CPHXL2: variants seen among roughly 807,000 people sequenced by gnomAD.
The protein encoded by CPHXL2 is cytoplasmic polyadenylated homeobox like 2, also known as cytoplasmic polyadenylated homeobox-like protein 2.
chr16:75,662,772 A>G, the CPHXL2 span, among the ~76,000 whole-genome samples: 1 of 149,028 alleles, frequency 6.7e-6, no homozygotes, highest in East Asian at 2.0e-4. Context: ...CCAAGAAGCT[A>G]TGGTTTGAAT....
At chr16:75,666,379 A>G in the CPHXL2 span, among the ~76,000 whole-genome samples, 64,391 of 151,930 alleles carry the variant, frequency 0.42, 17,321 homozygotes, top group East Asian at 0.85. Flanking sequence ...CCAGCACTTT[A>G]GAGGCTGAGG....
chr16:75,660,249 G>C, the CPHXL2 span: 1 of 398,354 alleles, frequency 2.5e-6, no homozygotes, highest in East Asian at 3.6e-5. Context: ...ATGGTTCTGT[G>C]ATACTTAGCA....
chr16:75,661,353 A>G, the CPHXL2 span: 2 of 397,696 alleles, frequency 5.0e-6, no homozygotes, highest in East Asian at 3.6e-5. Context: ...GCCTTTTAAA[A>G]GCAGAGTCCC....
the CPHXL2 span, among the ~76,000 whole-genome samples, chr16:75,670,041 A>C: frequency 6.6e-6 from 1 of 152,018 alleles, no homozygotes; most frequent in African/African-American, 2.4e-5. Flanking sequence ...CAGCCTCCCA[A>C]GTAGCTGGGA....
At chr16:75,671,908 G>C in the CPHXL2 span, among the ~76,000 whole-genome samples, 1 of 152,154 alleles carries the variant, frequency 6.6e-6, no homozygotes, top group Non-Finnish European at 1.5e-5. Flanking sequence ...GATGGCTTTT[G>C]CATGCTAATA....
the CPHXL2 span, chr16:75,676,878 C>A: frequency 5.0e-6 from 2 of 398,244 alleles, no homozygotes; most frequent in Non-Finnish European, 8.9e-6. Flanking sequence ...TGACTGCCCA[C>A]AATCTTCACT....
chr16:75,672,347 A>C, the CPHXL2 span, among the ~76,000 whole-genome samples: 1 of 152,134 alleles, frequency 6.6e-6, no homozygotes, highest in Admixed American at 6.6e-5. Flanking sequence ...CACGTATTGT[A>C]GGACAGAGCA....
At chr16:75,665,029 G>A in the CPHXL2 span, among the ~76,000 whole-genome samples, 1 of 152,188 alleles carries the variant, frequency 6.6e-6, no homozygotes, top group Non-Finnish European at 1.5e-5. Flanking sequence ...GGCACTAGGA[G>A]AGTCAAGAAT....
the CPHXL2 span, chr16:75,676,941 T>C: frequency 5.0e-6 from 2 of 398,400 alleles, no homozygotes. Context: ...ATGGAAACAG[T>C]CTTCTCACAA....
chr16:75,674,181 A>G, the CPHXL2 span, among the ~76,000 whole-genome samples: 147 of 151,438 alleles, frequency 9.7e-4, 2 homozygotes, highest in East Asian at 4.1e-3. Context: ...AGACCATCCT[A>G]GCTAACACAG....
At chr16:75,672,343 T>C in the CPHXL2 span, among the ~76,000 whole-genome samples, 1 of 152,046 alleles carries the variant, frequency 6.6e-6, no homozygotes, top group African/African-American at 2.4e-5. Flanking sequence ...TTCGCACGTA[T>C]TGTAGGACAG....
At chr16:75,669,235 G>T in the CPHXL2 span, 1 of 392,926 alleles carries the variant, frequency 2.5e-6, no homozygotes, top group East Asian at 3.6e-5. Context: ...GGAGTCACCT[G>T]AGCCCAGGAA....
the CPHXL2 span, among the ~76,000 whole-genome samples, chr16:75,676,286 A>G: frequency 6.6e-6 from 1 of 152,014 alleles, no homozygotes; most frequent in South Asian, 2.1e-4. Flanking sequence ...AGAATAAAAA[A>G]CTGCCATATT....
chr16:75,675,040 T>C, the CPHXL2 span, among the ~76,000 whole-genome samples: 1 of 150,356 alleles, frequency 6.7e-6, no homozygotes, highest in Non-Finnish European at 1.5e-5. Flanking sequence ...AATACAAAAA[T>C]TAACCAGTCA....
At chr16:75,671,339 G>A in the CPHXL2 span, among the ~76,000 whole-genome samples, 1 of 138,362 alleles carries the variant, frequency 7.2e-6, no homozygotes. Flanking sequence ...TCCAGCCTGA[G>A]TGATAGAGTA....
the CPHXL2 span, among the ~76,000 whole-genome samples, chr16:75,671,168 A>G: frequency 6.6e-6 from 1 of 152,114 alleles, no homozygotes; most frequent in African/African-American, 2.4e-5. Flanking sequence ...AGATAACTTG[A>G]GGTCAGGAGT....
At chr16:75,665,350 A>G in the CPHXL2 span, among the ~76,000 whole-genome samples, 1 of 152,224 alleles carries the variant, frequency 6.6e-6, no homozygotes, top group African/African-American at 2.4e-5. Context: ...TAAACAAAAC[A>G]ATTATCAGCC....
At chr16:75,675,619 A>C in the CPHXL2 span, among the ~76,000 whole-genome samples, 3 of 152,134 alleles carry the variant, frequency 2.0e-5, no homozygotes, top group African/African-American at 7.2e-5. Flanking sequence ...CCACACTCCA[A>C]GTTCTGGGGC....
chr16:75,675,103 C>T, the CPHXL2 span, among the ~76,000 whole-genome samples: 12 of 150,628 alleles, frequency 8.0e-5, no homozygotes, highest in Admixed American at 7.3e-4. Flanking sequence ...GCAGGAGAAT[C>T]GCTTGAACCC....
Sources: allele counts gnomAD v4.1 joint callset (sites outside exome capture counted in the v4.1 genomes callset), GRCh38; gene constraint gnomAD v4.1.1; transcripts MANE v1.5; gene names NCBI Gene and HGNC (gene_info 2026-07-23, HGNC 2026-07-21).